Variants in DOCK10 observed in about 807,000 individuals in gnomAD.
The protein encoded by DOCK10 is dedicator of cytokinesis 10.
In DOCK10, 145 loss-of-function variants were observed where a neutral mutation model predicts 280.1. That is an observed-to-expected ratio of 0.52 (90% CI 0.45 to 0.59). The LOEUF (loss-of-function observed/expected upper bound fraction) is 0.59. DOCK10 is among the 20% of genes least tolerant of loss of function. DOCK10 has a pLI of 0.00. For synonymous variants in DOCK10, 915 were observed against 942.2 expected (o/e 0.97, Z 0.53); for missense variants, 2,368 against 2,651.7 (o/e 0.89, Z 2.35).
intron 1 of DOCK10, among the ~76,000 whole-genome samples, chr2:224,998,558 C>T (rs1052652797): frequency 3.3e-5 from 5 of 152,130 alleles, no homozygotes; most frequent in Admixed American, 3.3e-4. Context: ...GGTTCCTTCC[C>T]TTTAGCAGCA....
intron 41 of DOCK10, among the ~76,000 whole-genome samples, chr2:224,799,283 C>T (rs901445371): frequency 4.6e-5 from 7 of 152,166 alleles, no homozygotes; most frequent in African/African-American, 1.7e-4. Flanking sequence ...ACGGTATATA[C>T]TCTTTTTAAA....
At chr2:225,016,404 A>G (rs962596597) in intron 1 of DOCK10, among the ~76,000 whole-genome samples, 2 of 151,782 alleles carry the variant, frequency 1.3e-5, no homozygotes, top group African/African-American at 2.4e-5. Context: ...ATGTTCTTAT[A>G]TGAGTAAGAA....
chr2:224,765,387 A>G lies in DOCK10; in HGVS notation c.*334T>C, dbSNP rs1690031890. The G allele has an allele frequency of 5.6e-6, 1 of 178,312 alleles. No individual in the cohort carries two copies. The highest frequency in any genetic ancestry group is 6.1e-5 in the Admixed American group (1 of 16,480). The allele number at this position is 178,312 out of a possible 1,614,324, so 11.0% of individuals were successfully genotyped here. On this transcript the variant is annotated 3_prime_UTR_variant, in exon 56 of 56. Transcript: ENST00000258390. Reference sequence around the variant, plus strand: ...ATCTGAAATATGCTTAAATGTTACAAAAACATTCACTTTAACCTTTAAAAT... The same window carrying G: ...ATCTGAAATATGCTTAAATGTTACAGAAACATTCACTTTAACCTTTAAAAT...
intron 2 of DOCK10, among the ~76,000 whole-genome samples, chr2:224,917,028 G>C (rs1239563072): frequency 6.7e-6 from 1 of 149,302 alleles, no homozygotes; most frequent in Non-Finnish European, 1.5e-5. Context: ...ATAGTTTTAA[G>C]CTGTTCCCCC....
At chr2:225,035,421 A>G (rs146085583) in intron 1 of DOCK10, among the ~76,000 whole-genome samples, 1 of 151,188 alleles carries the variant, frequency 6.6e-6, no homozygotes, top group East Asian at 2.0e-4. Flanking sequence ...TGAGAGAGAA[A>G]AACATCTTCA....
chr2:225,024,430 T>TAG (rs1414451091), intron 1 of DOCK10, among the ~76,000 whole-genome samples: 1 of 152,222 alleles, frequency 6.6e-6, no homozygotes, highest in Non-Finnish European at 1.5e-5. Flanking sequence ...TTTGTATGTG[T>TAG]AGAGAGAGAA....
intron 50 of DOCK10, among the ~76,000 whole-genome samples, chr2:224,783,261 G>T (rs1457796597): frequency 6.7e-6 from 1 of 148,164 alleles, no homozygotes; most frequent in Non-Finnish European, 1.5e-5. Context: ...TGCCTTTTAA[G>T]CTCAGACTGG....
intron 19 of DOCK10, among the ~76,000 whole-genome samples, chr2:224,845,898 A>G (rs1001044936): frequency 6.6e-6 from 1 of 152,076 alleles, no homozygotes; most frequent in African/African-American, 2.4e-5. Flanking sequence ...TAATTTTTGT[A>G]TTTTTAGTAG....
rs1309905341 is a variant in DOCK10, at chr2:224,984,959, AGCC to A, written c.124-53294_124-53292del. On this transcript the variant is annotated intron_variant, in intron 1 of 55. Transcript: ENST00000258390. ...CAGGTTCAAGTGATTCTCGTGCCTC[AGCC>A]TCCTGAGTGGCTAGGACTATAGGTG... is the stretch of plus-strand genomic sequence containing the variant. Among the ~76,000 whole-genome samples the A allele has an allele frequency of 6.6e-5, 10 of 151,706 alleles. No individual in the cohort carries two copies. In the East Asian group the frequency reaches 1.9e-3, roughly 29 times the overall value.
At chr2:224,781,655 T>C (rs950284656) in intron 50 of DOCK10, among the ~76,000 whole-genome samples, 1 of 152,218 alleles carries the variant, frequency 6.6e-6, no homozygotes, top group Admixed American at 6.5e-5. Flanking sequence ...CAATGGGAAA[T>C]GTGATCTCTG....
chr2:224,894,710 T>C (rs927839640), intron 4 of DOCK10, among the ~76,000 whole-genome samples: 1 of 152,238 alleles, frequency 6.6e-6, no homozygotes, highest in Non-Finnish European at 1.5e-5. Flanking sequence ...TGGTAAACGT[T>C]ACTGTTCAGT....
At chr2:224,767,565 T>C (rs1406535818) in intron 55 of DOCK10, among the ~76,000 whole-genome samples, 2 of 152,216 alleles carry the variant, frequency 1.3e-5, no homozygotes, top group Middle Eastern at 3.2e-3. Flanking sequence ...AGGAGCATTG[T>C]GACCTGACCA....
At chr2:224,921,109 AAAAAT>A (rs1429012893) in intron 2 of DOCK10, among the ~76,000 whole-genome samples, 37 of 79,742 alleles carry the variant, frequency 4.6e-4, no homozygotes, top group African/African-American at 1.5e-3. Context: ...AAAAAAAAAA[AAAAAT>A]ATATATATAT....
In DOCK10 at chr2:224,770,490, G is replaced by A; in HGVS notation, c.6305+55C>T. On this transcript the variant is annotated intron_variant, in intron 54 of 55. Coordinates refer to ENST00000258390, the MANE Select transcript of DOCK10 (RefSeq NM_014689.3). The surrounding 1 kb of genome is among the most constrained non-coding windows in gnomAD (Gnocchi z 4.5). ...GTGTGATGGATTCTTGGGGGATTGA[G>A]GACTCCCTGTCTCAGGAAGTTCAAG... 6.3e-7 allele frequency: 1 copy of A among 1,578,136 alleles called. No homozygotes were observed. Among genetic ancestry groups the A allele is most frequent in the South Asian group, 1.1e-5 (1 of 89,786 alleles).
chr2:224,805,357 T>G lies in DOCK10; in HGVS notation c.3937-37A>C. ...AGAACCAATCAGGATTGAGTGAGAG[T>G]GAGTGACCTCTGCCTTGTAATGATC... On this transcript the variant is annotated intron_variant, in intron 35 of 55. Transcript: ENST00000258390. This position sits in a 1 kb window ranked among gnomAD's most constrained non-coding sequence, Gnocchi z 4.3. 1 of 1,612,540 alleles carries G rather than the reference T, an allele frequency of 6.2e-7. No individual in the cohort carries two copies. The highest frequency in any genetic ancestry group is 1.1e-5 in the South Asian group (1 of 91,036).
rs1691953394 is a variant in DOCK10 at position 224,789,012 on chromosome 2, G to A, written c.5418+52C>T. On this transcript the variant is annotated intron_variant, in intron 48 of 55. Transcript: ENST00000258390. Reference sequence around the variant, plus strand: ...CCCCTTATTTAGCTTAATGTCACAAGCCAATGCATCTCTTTCCTTCGTTAC... The same window carrying A: ...CCCCTTATTTAGCTTAATGTCACAAACCAATGCATCTCTTTCCTTCGTTAC... The A allele has an allele frequency of 2.7e-6, 3 of 1,115,198 alleles. No individual in the cohort carries two copies. In the African/African-American group the frequency reaches 4.6e-5, roughly 17 times the overall value. 69.1% of individuals were successfully genotyped at this position (1,115,198 alleles called of 1,614,324 possible).
At chr2:225,034,961 G>A (rs1221429518) in intron 1 of DOCK10, among the ~76,000 whole-genome samples, 6 of 152,140 alleles carry the variant, frequency 3.9e-5, no homozygotes, top group African/African-American at 9.7e-5. Context: ...TCCTGAGAAG[G>A]TGACATCTGA....
chr2:224,984,644 G>A (rs185132711), intron 1 of DOCK10, among the ~76,000 whole-genome samples: 2 of 151,998 alleles, frequency 1.3e-5, no homozygotes, highest in African/African-American at 4.8e-5. Flanking sequence ...AAGATGAAAC[G>A]CAGGAAAGAA....
chr2:224,766,299 T>G (rs1559349949), intron 55 of DOCK10, among the ~76,000 whole-genome samples: 1 of 152,174 alleles, frequency 6.6e-6, no homozygotes, highest in African/African-American at 2.4e-5. Flanking sequence ...TCAGATTGAT[T>G]CAAACAATGA....
Sources: allele counts gnomAD v4.1 joint callset (sites outside exome capture counted in the v4.1 genomes callset), GRCh38; gene constraint gnomAD v4.1.1; non-coding constraint Gnocchi (gnomAD v3.1); transcripts MANE v1.5; gene names NCBI Gene and HGNC (gene_info 2026-07-23, HGNC 2026-07-21).